SUGCT: variants seen among roughly 807,000 people sequenced by gnomAD.
The protein encoded by SUGCT is succinyl-CoA:glutarate CoA-transferase.
Under a neutral mutation model 55.0 loss-of-function variants are expected in SUGCT, and 41 were observed. That is an observed-to-expected ratio of 0.74 (90% CI 0.58 to 0.97). The LOEUF is 0.97. Ranked by LOEUF, SUGCT falls within the 50% of genes least tolerant of loss-of-function variation. The probability of loss-of-function intolerance (pLI) is 0.00; values close to 1 mark genes in which losing one functional copy is unlikely to be tolerated. For synonymous variants in SUGCT, 187 were observed against 200.4 expected, an observed-to-expected ratio of 0.93 and a Z score of 0.56; for missense variants, 568 against 547.8, an observed-to-expected ratio of 1.04 and a Z score of -0.37.
chr7:41,003,298 G>A, the SUGCT span, among the ~76,000 whole-genome samples: 4 of 152,082 alleles, frequency 2.6e-5, no homozygotes, highest in Non-Finnish European at 5.9e-5. Flanking sequence ...GATACAGGTG[G>A]GCGAGCAGAA....
rs566415692 is a variant in SUGCT at position 40,830,424 on chromosome 7, C to T, written c.1154-29892C>T. The stretch of plus-strand genomic sequence containing the variant: ...CACTAGTCATGAAGACCCCTGAGGA[C>T]CTCCTTGCAATGTCTCAATCAGGCC... On this transcript the variant is annotated intron_variant, in intron 13 of 13. Coordinates refer to ENST00000335693, the MANE Select transcript of SUGCT (RefSeq NM_001193313.2). Among the ~76,000 whole-genome samples the T allele has an allele frequency of 9.2e-5, 14 of 152,278 alleles. No homozygotes were observed. In the South Asian group the frequency reaches 2.9e-3, roughly 32 times the overall value.
chr7:40,233,431 G>A (rs1788835987), intron 6 of SUGCT, among the ~76,000 whole-genome samples: 1 of 152,030 alleles, frequency 6.6e-6, no homozygotes, highest in African/African-American at 2.4e-5. Flanking sequence ...ATGTTGGACA[G>A]GCTTGTCTTG....
intron 13 of SUGCT, among the ~76,000 whole-genome samples, chr7:40,847,407 C>CT (rs1338885686): frequency 2.5e-5 from 3 of 117,856 alleles, no homozygotes; most frequent in South Asian, 3.1e-4. Flanking sequence ...TCTTTTCTTT[C>CT]TTTCTTTTTT....
chr7:40,382,282 T>A (rs1784913207), intron 9 of SUGCT, among the ~76,000 whole-genome samples: 1 of 152,068 alleles, frequency 6.6e-6, no homozygotes, highest in Non-Finnish European at 1.5e-5. Context: ...GGAATAGAAT[T>A]TTATTGCTTG....
At chr7:40,358,305 T>C (rs1429568362) in intron 9 of SUGCT, among the ~76,000 whole-genome samples, 4 of 152,214 alleles carry the variant, frequency 2.6e-5, no homozygotes, top group Non-Finnish European at 5.9e-5. Flanking sequence ...TAAGTAATAA[T>C]AGCTGGAGAG....
chr7:40,901,130 G>T, the SUGCT span, among the ~76,000 whole-genome samples: 14 of 152,328 alleles, frequency 9.2e-5, no homozygotes, highest in African/African-American at 3.1e-4. Flanking sequence ...CCATTGTAGA[G>T]AAGATATTTC....
the SUGCT span, among the ~76,000 whole-genome samples, chr7:40,925,892 G>A: frequency 6.6e-6 from 1 of 152,212 alleles, no homozygotes; most frequent in East Asian, 1.9e-4. Context: ...CCAGGAGTTT[G>A]AGACCAGCCT....
chr7:40,695,480 G>A (rs924367227), intron 12 of SUGCT, among the ~76,000 whole-genome samples: 4 of 152,110 alleles, frequency 2.6e-5, no homozygotes, highest in African/African-American at 9.7e-5. Context: ...TTACAGACAT[G>A]AGTCTGCGCC....
At chr7:40,994,601 A>C in the SUGCT span, among the ~76,000 whole-genome samples, 1 of 152,202 alleles carries the variant, frequency 6.6e-6, no homozygotes, top group Admixed American at 6.5e-5. Context: ...TGGCCAGAGA[A>C]GGTACAGAAG....
At chr7:40,151,453 T>G (rs1788567938) in intron 1 of SUGCT, among the ~76,000 whole-genome samples, 2 of 152,244 alleles carry the variant, frequency 1.3e-5, no homozygotes, top group South Asian at 2.1e-4. Context: ...TCACAGTGAC[T>G]GTGAGCTCCT....
At chr7:40,548,424 C>T (rs1795127760) in intron 12 of SUGCT, among the ~76,000 whole-genome samples, 2 of 152,060 alleles carry the variant, frequency 1.3e-5, no homozygotes, top group South Asian at 2.1e-4. Context: ...TCTTGACCTC[C>T]TGTCTTCAAG....
intron 1 of SUGCT, among the ~76,000 whole-genome samples, chr7:40,155,855 A>ATTT (rs1369761947): frequency 1.5e-5 from 2 of 132,498 alleles, no homozygotes; most frequent in Non-Finnish European, 1.6e-5. Context: ...GATACCTAAG[A>ATTT]TTTTTTTTTT....
intron 13 of SUGCT, among the ~76,000 whole-genome samples, chr7:40,848,068 A>G (rs1419579285): frequency 6.6e-6 from 1 of 152,198 alleles, no homozygotes; most frequent in Non-Finnish European, 1.5e-5. Flanking sequence ...CTGCAATGTA[A>G]GTCTAGCTCC....
intron 12 of SUGCT, among the ~76,000 whole-genome samples, chr7:40,623,735 T>C (rs1562907386): frequency 3.3e-5 from 5 of 151,734 alleles, no homozygotes; most frequent in African/African-American, 4.8e-5. Flanking sequence ...TACACACACA[T>C]ACACACACAC....
the SUGCT span, among the ~76,000 whole-genome samples, chr7:40,866,287 C>A: frequency 2.6e-5 from 4 of 152,138 alleles, no homozygotes; most frequent in Admixed American, 2.0e-4. Context: ...GCATAACACA[C>A]ATTCACCCTG....
the SUGCT span, among the ~76,000 whole-genome samples, chr7:40,938,770 A>G: frequency 6.6e-6 from 1 of 152,132 alleles, no homozygotes; most frequent in Non-Finnish European, 1.5e-5. Context: ...TGTATATAGT[A>G]TTTGGTTTTT....
chr7:40,374,946 A>G (rs978458558), intron 9 of SUGCT, among the ~76,000 whole-genome samples: 1 of 151,666 alleles, frequency 6.6e-6, no homozygotes, highest in Non-Finnish European at 1.5e-5. Flanking sequence ...CCCCAACTCC[A>G]CTCCCTCTTC....
chr7:40,847,489 T>A (rs1352858024), intron 13 of SUGCT, among the ~76,000 whole-genome samples: 1 of 143,942 alleles, frequency 6.9e-6, no homozygotes, highest in Non-Finnish European at 1.5e-5. Context: ...CGATCTCAGC[T>A]CACTGCAACC....
chr7:40,928,079 C>T, the SUGCT span, among the ~76,000 whole-genome samples: 2 of 151,866 alleles, frequency 1.3e-5, no homozygotes, highest in South Asian at 2.1e-4. Flanking sequence ...TAAAATTTCC[C>T]AAAGATATGC....
Sources: gnomAD v4.1 joint callset for allele counts (sites outside exome capture counted in the v4.1 genomes callset) on GRCh38, gnomAD v4.1.1 for gene constraint, MANE v1.5 for transcripts, NCBI Gene and HGNC (gene_info 2026-07-23, HGNC 2026-07-21) for gene names.